Variants in SPIDR observed in about 807,000 individuals in gnomAD.
The protein encoded by SPIDR is DNA repair-scaffolding protein.
A neutral mutation model predicts 104.6 loss-of-function variants in SPIDR; 93 were observed. That is an observed-to-expected ratio of 0.89 (90% confidence interval 0.75 to 1.06). SPIDR has a LOEUF of 1.06. SPIDR is among the 50% of genes least tolerant of loss of function. The probability of loss-of-function intolerance (pLI) is 0.00; values close to 1 mark genes in which losing one functional copy is unlikely to be tolerated. For missense variants in SPIDR, 1,154 were observed against 1,111.2 expected (o/e 1.04, Z -0.55); for synonymous variants, 431 against 416.9 (o/e 1.03, Z -0.41).
chr8:47,666,085 T>A (rs2074888272), intron 10 of SPIDR, among the ~76,000 whole-genome samples: 1 of 152,232 alleles, frequency 6.6e-6, no homozygotes, highest in Non-Finnish European at 1.5e-5. Context: ...TAACCAATTT[T>A]TAAGTATTCA....
chr8:47,548,427 C>T (rs1051889257), intron 8 of SPIDR, among the ~76,000 whole-genome samples: 1 of 152,230 alleles, frequency 6.6e-6, no homozygotes, highest in Non-Finnish European at 1.5e-5. Flanking sequence ...GCTGGTGGAT[C>T]ACCTGAGGTC....
At chr8:47,692,792 A>G (rs1050435806) in intron 11 of SPIDR, among the ~76,000 whole-genome samples, 1 of 152,180 alleles carries the variant, frequency 6.6e-6, no homozygotes, top group African/African-American at 2.4e-5. Flanking sequence ...CATGACATAG[A>G]TACATCAAAT....
At chr8:47,403,336 C>T (rs188366892) in intron 6 of SPIDR, among the ~76,000 whole-genome samples, 22 of 152,214 alleles carry the variant, frequency 1.4e-4, no homozygotes, top group Non-Finnish European at 2.2e-4. Flanking sequence ...TTCAACATAG[C>T]GTTGGAAGTT....
chr8:47,735,095 GGTGTGTGTGTGTGTGGGTGTGTGT>G (rs1446621044), intron 19 of SPIDR, among the ~76,000 whole-genome samples, 188 bp from the exon 20 acceptor site: 23 of 146,042 alleles, frequency 1.6e-4, no homozygotes, highest in African/African-American at 3.1e-4. Flanking sequence ...TGGGTGTGTG[GGTGTGTGTGTGTGTGGGTGTGTGT>G]GTGTGTGTGT....
At chr8:47,470,214 A>G (rs1442115023) in intron 8 of SPIDR, among the ~76,000 whole-genome samples, 1 of 152,198 alleles carries the variant, frequency 6.6e-6, no homozygotes, top group Admixed American at 6.5e-5. Context: ...ATAGAGATCA[A>G]TGGCATAGAA....
At chr8:47,457,424 TC>T (rs1342262769) in intron 8 of SPIDR, among the ~76,000 whole-genome samples, 1 of 152,178 alleles carries the variant, frequency 6.6e-6, no homozygotes, top group Non-Finnish European at 1.5e-5. Flanking sequence ...AATTGTCTGT[TC>T]ATATCCTTAA....
At chr8:47,286,532 C>G (rs2038883577) in intron 3 of SPIDR, among the ~76,000 whole-genome samples, 1 of 152,110 alleles carries the variant, frequency 6.6e-6, no homozygotes, top group East Asian at 1.9e-4. Context: ...TGTGATCATG[C>G]CTGTGTACAG....
chr8:47,465,507 CAGATCATTTG>C (rs1339634429), intron 8 of SPIDR, among the ~76,000 whole-genome samples: 1 of 152,112 alleles, frequency 6.6e-6, no homozygotes, highest in Non-Finnish European at 1.5e-5. Flanking sequence ...TCAAGGCGGG[CAGATCATTTG>C]AGATCAGGAG....
intron 8 of SPIDR, among the ~76,000 whole-genome samples, chr8:47,553,622 C>A (rs570825506): frequency 2.0e-5 from 3 of 152,190 alleles, no homozygotes; most frequent in Non-Finnish European, 4.4e-5. Context: ...TCTCTACACT[C>A]TTTATTCTAG....
chr8:47,488,045 C>CA (rs1554733172), intron 8 of SPIDR, among the ~76,000 whole-genome samples: 2 of 152,070 alleles, frequency 1.3e-5, no homozygotes, highest in South Asian at 4.2e-4. Context: ...AAAAACCCTT[C>CA]AAAAAATCAA....
chr8:47,459,697 A>G (rs1263499453), intron 8 of SPIDR, among the ~76,000 whole-genome samples: 2 of 151,628 alleles, frequency 1.3e-5, no homozygotes, highest in African/African-American at 4.8e-5. Context: ...TTGTTTCTCT[A>G]GTTCCTTGAG....
chr8:47,570,592 A>G (rs1017945692), intron 8 of SPIDR, among the ~76,000 whole-genome samples: 1 of 152,206 alleles, frequency 6.6e-6, no homozygotes, highest in Admixed American at 6.5e-5. Flanking sequence ...TTGTGCTTCA[A>G]AAGACACTAT....
At chr8:47,411,653 G>A (rs1263541263) in intron 7 of SPIDR, among the ~76,000 whole-genome samples, 1 of 152,100 alleles carries the variant, frequency 6.6e-6, no homozygotes, top group Non-Finnish European at 1.5e-5. Context: ...AAGCTCTTTA[G>A]TTTAATTAGA....
At chr8:47,563,106 T>G (rs2057291476) in intron 8 of SPIDR, among the ~76,000 whole-genome samples, 1 of 151,928 alleles carries the variant, frequency 6.6e-6, no homozygotes, top group Non-Finnish European at 1.5e-5. Flanking sequence ...CTACATGTTT[T>G]GTTCATTAAA....
chr8:47,481,941 T>C (rs1406692491), intron 8 of SPIDR, among the ~76,000 whole-genome samples: 1 of 152,272 alleles, frequency 6.6e-6, no homozygotes, highest in African/African-American at 2.4e-5. Flanking sequence ...TCACTTTTAA[T>C]GTAGACTAAA....
intron 5 of SPIDR, among the ~76,000 whole-genome samples, chr8:47,352,814 A>G (rs2053792390): frequency 6.6e-6 from 1 of 152,114 alleles, no homozygotes; most frequent in African/African-American, 2.4e-5. Flanking sequence ...CTGTAATCTC[A>G]ATGCTTTGGT....
chr8:47,305,945 T>C (rs1206961641), intron 5 of SPIDR, among the ~76,000 whole-genome samples: 1 of 152,140 alleles, frequency 6.6e-6, no homozygotes, highest in African/African-American at 2.4e-5. Context: ...TCTTGTAAAA[T>C]TGAAATTCTG....
At chr8:47,725,531 A>C (rs1370181006) in intron 16 of SPIDR, among the ~76,000 whole-genome samples, 1 of 152,028 alleles carries the variant, frequency 6.6e-6, no homozygotes, top group Non-Finnish European at 1.5e-5. Flanking sequence ...AGCTGGGACT[A>C]CAGGCGCGTG....
chr8:47,583,142 CA>C (rs199894320), intron 8 of SPIDR, among the ~76,000 whole-genome samples: 173 of 141,076 alleles, frequency 1.2e-3, no homozygotes, highest in Middle Eastern at 0.011. Flanking sequence ...ACTAAAAATA[CA>C]AAAAAAAAAA....
Sources: gnomAD v4.1 joint callset for allele counts (sites outside exome capture counted in the v4.1 genomes callset) on GRCh38, gnomAD v4.1.1 for gene constraint, MANE v1.5 for transcripts, NCBI Gene and HGNC (gene_info 2026-07-23, HGNC 2026-07-21) for gene names.